ARHGAP28: variants seen among roughly 807,000 people sequenced by gnomAD.
The protein encoded by ARHGAP28 is Rho GTPase activating protein 28, also known as rho GTPase-activating protein 28.
Under a neutral mutation model 90.7 loss-of-function variants are expected in ARHGAP28, and 56 were observed. The observed-to-expected ratio is 0.62, with a 90% CI of 0.50 to 0.77. The LOEUF is 0.77. Among genes scored for constraint, ARHGAP28 ranks in the 30% least tolerant of loss-of-function variants. The probability of loss-of-function intolerance (pLI) is 0.00; values close to 1 mark genes in which losing one functional copy is unlikely to be tolerated. For synonymous variants in ARHGAP28, 308 were observed against 323.3 expected, an observed-to-expected ratio of 0.95 and a Z score of 0.51; for missense variants, 869 against 900.9, an observed-to-expected ratio of 0.96 and a Z score of 0.45.
At chr18:6,829,472 G>A (rs1369303175) in intron 2 of ARHGAP28, among the ~76,000 whole-genome samples, 1 of 152,190 alleles carries the variant, frequency 6.6e-6, no homozygotes, top group Non-Finnish European at 1.5e-5. Flanking sequence ...TGCTACAAAA[G>A]CAGACCTACT....
At chr18:6,737,093 A>G (rs2055935676) in intron 1 of ARHGAP28, among the ~76,000 whole-genome samples, 1 of 152,206 alleles carries the variant, frequency 6.6e-6, no homozygotes, top group Non-Finnish European at 1.5e-5. Flanking sequence ...GCCAAGAATA[A>G]AAGTAAAATG....
intron 1 of ARHGAP28, among the ~76,000 whole-genome samples, chr18:6,750,428 G>A (rs1253501630): frequency 6.6e-6 from 1 of 152,144 alleles, no homozygotes; most frequent in Non-Finnish European, 1.5e-5. Context: ...TGCCTGAAGA[G>A]CCTCTTCCCC....
At chr18:6,894,223 T>C (rs979820854) in intron 14 of ARHGAP28, among the ~76,000 whole-genome samples, 1 of 152,108 alleles carries the variant, frequency 6.6e-6, no homozygotes, top group Non-Finnish European at 1.5e-5. Flanking sequence ...CATTAACAAG[T>C]TATAAATTTA....
chr18:6,793,505 G>T (rs1028120344), intron 1 of ARHGAP28, among the ~76,000 whole-genome samples: 1 of 152,094 alleles, frequency 6.6e-6, no homozygotes, highest in East Asian at 1.9e-4. Flanking sequence ...TTAAATTTAC[G>T]GCTCTAAGGT....
At chr18:6,752,982 C>T (rs1319708756) in intron 1 of ARHGAP28, among the ~76,000 whole-genome samples, 3 of 151,198 alleles carry the variant, frequency 2.0e-5, no homozygotes, top group South Asian at 2.1e-4. Context: ...ATAAATACTA[C>T]GTAGGGGTTT....
chr18:6,824,741 T>C (rs1240250668), intron 1 of ARHGAP28, 21 bp from the exon 2 acceptor site: 1 of 1,513,216 alleles, frequency 6.6e-7, no homozygotes, highest in East Asian at 2.5e-5. Context: ...TTTTTATTCA[T>C]AGATATTATT....
At chr18:6,812,012 C>G (rs1412026590) in intron 1 of ARHGAP28, among the ~76,000 whole-genome samples, 1 of 152,138 alleles carries the variant, frequency 6.6e-6, no homozygotes, top group African/African-American at 2.4e-5. Flanking sequence ...AATTCAGGGT[C>G]AATGAATACT....
chr18:6,772,819 C>T lies in ARHGAP28; in HGVS notation c.122+42876C>T, dbSNP rs111663947. Among the ~76,000 whole-genome samples the T allele has an allele frequency of 4.7e-3, 710 of 152,132 alleles. 6 individuals are homozygous for T. The highest frequency in any genetic ancestry group is 7.9e-3 in the Non-Finnish European group (537 of 68,008). On this transcript the variant is annotated intron_variant, in intron 1 of 17. Coordinates refer to ENST00000383472, the MANE Select transcript of ARHGAP28 (RefSeq NM_001366230.1). ...GCACGGTCTCGGCTCACTGCAACAT[C>T]TGCCTCCGCCTCCCGGGTCCAAGCA...
rs370480572 is a variant in ARHGAP28 at position 6,839,329 on chromosome 18, T to C, written c.543+1915T>C. On this transcript the variant is annotated intron_variant, in intron 3 of 17. Coordinates refer to ENST00000383472, the MANE Select transcript of ARHGAP28 (RefSeq NM_001366230.1). ...TTTTTTTTGAGACAGCGTCTCGCTC[T>C]GTCGCCCAGGCTGGAGTGCAGTGGC... Among the ~76,000 whole-genome samples, 86 of 150,640 alleles carry C rather than the reference T, an allele frequency of 5.7e-4. 1 individual carries two copies. In the East Asian group the frequency reaches 6.4e-3, roughly 11 times the overall value.
chr18:6,745,837 A>T (rs1222014361), intron 1 of ARHGAP28, among the ~76,000 whole-genome samples: 1 of 152,178 alleles, frequency 6.6e-6, no homozygotes. Flanking sequence ...TTATCCTATT[A>T]TTGTACCCAA....
At chr18:6,820,992 A>G (rs2056623022) in intron 1 of ARHGAP28, among the ~76,000 whole-genome samples, 1 of 152,204 alleles carries the variant, frequency 6.6e-6, no homozygotes, top group South Asian at 2.1e-4. Flanking sequence ...GATAAATTTA[A>G]AAGACCATGT....
At chr18:6,795,092 A>G (rs1167950001) in intron 1 of ARHGAP28, among the ~76,000 whole-genome samples, 1 of 152,218 alleles carries the variant, frequency 6.6e-6, no homozygotes, top group Non-Finnish European at 1.5e-5. Context: ...TTCACAGATT[A>G]TCATTAGAAT....
At chr18:6,882,874 C>T (rs1221934162) in intron 11 of ARHGAP28, among the ~76,000 whole-genome samples, 1 of 152,056 alleles carries the variant, frequency 6.6e-6, no homozygotes, top group Admixed American at 6.5e-5. Context: ...TGGGCAAAAG[C>T]ACAAAAATTA....
intron 16 of ARHGAP28, among the ~76,000 whole-genome samples, chr18:6,900,184 A>T (rs2057330913): frequency 6.6e-6 from 1 of 152,174 alleles, no homozygotes; most frequent in Non-Finnish European, 1.5e-5. Flanking sequence ...GCTAAACCTC[A>T]TCAGGAAGAC....
At chr18:6,777,863 A>C (rs752827527) in intron 1 of ARHGAP28, among the ~76,000 whole-genome samples, 1 of 152,132 alleles carries the variant, frequency 6.6e-6, no homozygotes, top group Non-Finnish European at 1.5e-5. Context: ...AGATATTGAC[A>C]GAGTATGAAG....
intron 1 of ARHGAP28, among the ~76,000 whole-genome samples, chr18:6,786,791 G>A (rs2056368073): frequency 6.7e-6 from 1 of 149,714 alleles, no homozygotes; most frequent in African/African-American, 2.5e-5. Flanking sequence ...ATTTGCTGTG[G>A]GGAAAAAAAA....
At chr18:6,775,975 A>C (rs1452365621) in intron 1 of ARHGAP28, among the ~76,000 whole-genome samples, 1 of 152,176 alleles carries the variant, frequency 6.6e-6, no homozygotes, top group Non-Finnish European at 1.5e-5. Context: ...TATGATCTTA[A>C]AGCCAAAGTG....
intron 3 of ARHGAP28, among the ~76,000 whole-genome samples, chr18:6,839,075 CTA>C (rs2056776553): frequency 6.6e-6 from 1 of 152,004 alleles, no homozygotes; most frequent in Non-Finnish European, 1.5e-5. Flanking sequence ...GTTCTTTATG[CTA>C]TGATACTGCA....
At chr18:6,748,818 C>A (rs1190956788) in intron 1 of ARHGAP28, among the ~76,000 whole-genome samples, 2 of 152,078 alleles carry the variant, frequency 1.3e-5, no homozygotes, top group Non-Finnish European at 1.5e-5. Flanking sequence ...CTTTTTTAAA[C>A]CCTCACATCC....
Sources: gnomAD v4.1 joint callset for allele counts (sites outside exome capture counted in the v4.1 genomes callset) on GRCh38, gnomAD v4.1.1 for gene constraint, MANE v1.5 for transcripts, NCBI Gene and HGNC (gene_info 2026-07-23, HGNC 2026-07-21) for gene names.